OCM2: variants seen among roughly 807,000 people sequenced by gnomAD.
OCM2 encodes oncomodulin 2.
In OCM2, 6 loss-of-function variants were observed where a neutral mutation model predicts 13.6. The ratio of observed to expected loss-of-function variants is 0.44; its 90% CI spans 0.24 to 0.87. The LOEUF (loss-of-function observed/expected upper bound fraction) is 0.87. Among genes scored for constraint, OCM2 ranks in the 40% least tolerant of loss-of-function variants. The pLI, the probability that OCM2 is intolerant of heterozygous loss-of-function variation, is 0.22. For synonymous variants in OCM2, 40 were observed against 50.7 expected (o/e 0.79, Z 0.90); for missense variants, 118 against 136.8 (o/e 0.86, Z 0.68).
Position 97,986,192 on chromosome 7 carries a change from C to T in OCM2, c.304+855G>A, listed in dbSNP as rs1794669558. Among the ~76,000 whole-genome samples, 3 of 152,152 alleles carry T rather than the reference C, an allele frequency of 2.0e-5. No homozygotes were observed. In the South Asian group the frequency reaches 6.2e-4, roughly 32 times the overall value. On this transcript the variant is annotated intron_variant, in intron 3 of 3. Coordinates refer to ENST00000257627, the Ensembl canonical transcript of OCM2. ...CCTCCAAAAGTGCTGGGATTATAGG[C>T]CTGAGCCACCACGCCCAGCCCGTGG...
chr7:97,989,962 G>A (rs1794715519), intron 1 of OCM2, 82 bp downstream of exon 1: 2 of 1,442,762 alleles, frequency 1.4e-6, no homozygotes, highest in East Asian at 2.3e-5. Flanking sequence ...CTGGCCGCCT[G>A]GCCTACATTT....
intron 3 of OCM2, 25 bp downstream of exon 3, chr7:97,987,022 A>G: frequency 6.2e-7 from 1 of 1,611,062 alleles, no homozygotes; most frequent in African/African-American, 1.3e-5. Context: ...AGAGTGTTTT[A>G]TGCTACGTAC....
intron 1 of OCM2, 27 bp downstream of exon 1, chr7:97,990,013 AAATC>A: frequency 1.3e-6 from 2 of 1,505,138 alleles, no homozygotes; most frequent in Non-Finnish European, 1.8e-6. Context: ...AGCTGTGAGG[AAATC>A]CCACCCCCGC....
chr7:97,988,933 C>CTTTTT (rs67400420), intron 1 of OCM2, among the ~76,000 whole-genome samples: 5 of 134,602 alleles, frequency 3.7e-5, no homozygotes, highest in Non-Finnish European at 6.3e-5. Flanking sequence ...TTCTTTCTTT[C>CTTTTT]TTTTTTTTTT....
At chr7:97,990,081 A>G (rs1794717135) in exon 1 of OCM2, 4 of 1,612,608 alleles carry the variant, frequency 2.5e-6, no homozygotes, top group East Asian at 2.2e-5. Flanking sequence ...TGTCATCAGC[A>G]CTGAGCACGT....
intron 2 of OCM2, among the ~76,000 whole-genome samples, chr7:97,988,082 T>C (rs1794689915): frequency 6.6e-6 from 1 of 151,914 alleles, no homozygotes; most frequent in South Asian, 2.1e-4. Flanking sequence ...TCCCAGCCAC[T>C]TGGGAGACTG....
At chr7:97,986,842 A>G (rs10231883) in intron 3 of OCM2, among the ~76,000 whole-genome samples, 15,533 of 152,156 alleles carry the variant, frequency 0.1, 925 homozygotes, top group African/African-American at 0.16. Flanking sequence ...ACCAGCTTCT[A>G]TATACCTACC....
intron 1 of OCM2, 66 bp from the exon 2 acceptor site, chr7:97,988,614 C>G: frequency 1.3e-6 from 2 of 1,592,186 alleles, no homozygotes; most frequent in Non-Finnish European, 1.7e-6. Flanking sequence ...GGCCAAGGTA[C>G]TGAAAACACA....
At chr7:97,987,071 C>T in exon 3 of OCM2, 1 of 1,613,626 alleles carries the variant, frequency 6.2e-7, no homozygotes, top group Non-Finnish European at 8.5e-7. Context: ...TTCCCATCTC[C>T]ATCATTATCC....
intron 3 of OCM2, among the ~76,000 whole-genome samples, chr7:97,986,770 A>T (rs3998553): frequency 2.0e-5 from 3 of 152,176 alleles, no homozygotes; most frequent in Non-Finnish European, 4.4e-5. Flanking sequence ...TTGGCCAGGT[A>T]GCTAGCTAGT....
chr7:97,988,962 C>G (rs1487724332), intron 1 of OCM2, among the ~76,000 whole-genome samples: 1 of 144,312 alleles, frequency 6.9e-6, no homozygotes, highest in East Asian at 2.0e-4. Flanking sequence ...GACAGAGTCT[C>G]ACTCTGTCGC....
exon 4 of OCM2, chr7:97,984,756 T>C: frequency 1.7e-6 from 1 of 588,446 alleles, no homozygotes; most frequent in South Asian, 2.5e-5. Flanking sequence ...CTTACAGAAG[T>C]TGTCAGGGCA....
chr7:97,985,916 T>TA (rs1177248575), intron 3 of OCM2, among the ~76,000 whole-genome samples: 1 of 151,570 alleles, frequency 6.6e-6, no homozygotes, highest in Admixed American at 6.6e-5. Flanking sequence ...ATGTTTATCT[T>TA]TTTTTTTTCT....
At chr7:97,985,005 C>T (rs780037594) in intron 3 of OCM2, 22 bp from the exon 4 acceptor site, 1 of 1,614,056 alleles carries the variant, frequency 6.2e-7, no homozygotes, top group Admixed American at 1.7e-5. Context: ...GAGGTGAGAA[C>T]AGGGTCAGTG....
At chr7:97,990,016 T>TGGCC in intron 1 of OCM2, 28 bp downstream of exon 1, 16 of 1,083,826 alleles carry the variant, frequency 1.5e-5, no homozygotes, top group Non-Finnish European at 2.1e-5. Context: ...TGTGAGGAAA[T>TGGCC]CCCACCCCCG....
chr7:97,986,599 T>C (rs943577855), intron 3 of OCM2, among the ~76,000 whole-genome samples: 3 of 152,214 alleles, frequency 2.0e-5, no homozygotes, highest in Admixed American at 1.3e-4. Context: ...CAATAAAATA[T>C]ATTTGTCTAA....
In OCM2 at chr7:97,988,008, T is replaced by A. The variant is rs1306657314; in HGVS notation, c.194+408A>T. 2.0e-5 allele frequency among the ~76,000 whole-genome samples: 3 copies of A among 152,004 alleles called. No homozygotes were observed. In the East Asian group the frequency reaches 5.8e-4, roughly 29 times the overall value. ...GGAGTTTGAGACCAGCCTGGCAACA[T>A]GGTGAAACCCCATCTCTACTCTAAA... On this transcript the variant is annotated intron_variant, in intron 2 of 3. Transcript: ENST00000257627.
In OCM2 at chr7:97,990,166, C is replaced by T. The variant is rs1181065814; in HGVS notation, c.-62G>A. 6.7e-7 allele frequency: 1 copy of T among 1,493,332 alleles called. No individual in the cohort carries two copies. Among genetic ancestry groups the T allele is most frequent in the Non-Finnish European group, 9.3e-7 (1 of 1,071,656 alleles). The allele number at this position is 1,493,332 out of a possible 1,614,324, so 92.5% of individuals were successfully genotyped here. A position where few individuals can be genotyped will look rare whatever the true frequency, so the allele number is the denominator to read the frequency against. ...AAGCCACAAACAGGAACGTGCACAT[C>T]CAGGGGAAACACATCTTCCCAGGCC... is the stretch of plus-strand genomic sequence containing the variant. On this transcript the variant is annotated 5_prime_UTR_variant, in exon 1 of 4. An upstream open reading frame in the 5' UTR gains an earlier in-frame stop. Transcript: ENST00000257627.
intron 3 of OCM2, among the ~76,000 whole-genome samples, 188 bp downstream of exon 3, chr7:97,986,859 T>C (rs1794677206): frequency 6.6e-6 from 1 of 152,126 alleles, no homozygotes; most frequent in Admixed American, 6.6e-5. Flanking sequence ...TACCGAGAAT[T>C]ATGCCAGGGT....
Sources: gnomAD v4.1 joint callset for allele counts (sites outside exome capture counted in the v4.1 genomes callset) on GRCh38, gnomAD v4.1.1 for gene constraint, MANE v1.5 for transcripts, NCBI Gene and HGNC (gene_info 2026-07-23, HGNC 2026-07-21) for gene names.